Variants in TMTC1 observed in about 807,000 individuals in gnomAD.
TMTC1 encodes the protein transmembrane O-mannosyltransferase targeting cadherins 1, also known as protein O-mannosyl-transferase TMTC1.
Under a neutral mutation model 104.8 loss-of-function variants are expected in TMTC1, and 73 were observed. The observed-to-expected ratio is 0.70, with a 90% CI of 0.58 to 0.85. TMTC1 has a LOEUF of 0.85. Among genes scored for constraint, TMTC1 ranks in the 40% least tolerant of loss-of-function variants. TMTC1 has a pLI of 0.00. For missense variants in TMTC1, 1,035 were observed against 1,096.1 expected (o/e 0.94, Z 0.79); for synonymous variants, 434 against 428.7 (o/e 1.01, Z -0.15).
upstream of TMTC1, chr12:29,784,642 G>A (rs963176109): frequency 6.6e-6 from 1 of 152,264 alleles, no homozygotes; most frequent in Non-Finnish European, 1.5e-5. Flanking sequence ...CTTACAAAAA[G>A]TACCAGGTTC....
At chr12:29,694,625 C>T (rs1338956057) in intron 5 of TMTC1, among the ~76,000 whole-genome samples, 1 of 151,894 alleles carries the variant, frequency 6.6e-6, no homozygotes, top group East Asian at 1.9e-4. Flanking sequence ...TAACAAATGG[C>T]CACAGACTTG....
intron 5 of TMTC1, among the ~76,000 whole-genome samples, chr12:29,721,117 T>C (rs1040858862): frequency 1.4e-4 from 21 of 152,328 alleles, no homozygotes; most frequent in South Asian, 8.3e-4. Context: ...TATCACTGTC[T>C]TACACCTACT....
chr12:29,545,629 T>TCACACACACA lies in TMTC1; in HGVS notation c.1677-9322_1677-9313dup, dbSNP rs55958433. Among the ~76,000 whole-genome samples, 280 of 73,568 alleles carry TCACACACACA rather than the reference T, an allele frequency of 3.8e-3. 6 individuals carry two copies. The highest frequency in any genetic ancestry group is 0.013 in the African/African-American group (225 of 17,520). The allele number at this position is 73,568 out of a possible 152,430, so 48.3% of individuals were successfully genotyped here. A position where few individuals can be genotyped will look rare whatever the true frequency, so the allele number is the denominator to read the frequency against. ...GTCTGGGCAACAGAGCAAGACTCTG[T>TCACACACACA]CACACACACACACACACACACACAC... On this transcript the variant is annotated intron_variant, in intron 10 of 17. Transcript: ENST00000539277.
In TMTC1 at chr12:29,583,967, G is replaced by A. The variant is rs559634472; in HGVS notation, c.1251-393C>T. On this transcript the variant is annotated intron_variant, in intron 7 of 17. Coordinates refer to ENST00000539277, the MANE Select transcript of TMTC1 (RefSeq NM_001193451.2). ...CTATTGGCACTATGCGCCTAAATTC[G>A]GAGTTTATGCTGCAGCAGGTCACAC... is the stretch of plus-strand genomic sequence containing the variant. Among the ~76,000 whole-genome samples the A allele has an allele frequency of 2.0e-5, 3 of 152,204 alleles. No homozygotes were observed. In the East Asian group the frequency reaches 5.8e-4, roughly 29 times the overall value.
At chr12:29,772,519 G>C (rs114473375) in intron 1 of TMTC1, among the ~76,000 whole-genome samples, 1,560 of 152,252 alleles carry the variant, frequency 0.01, 36 homozygotes, top group African/African-American at 0.035. Context: ...GAAATGCAAA[G>C]TATTACAACA....
intron 7 of TMTC1, among the ~76,000 whole-genome samples, chr12:29,596,322 C>T (rs1470612924): frequency 2.6e-5 from 4 of 152,064 alleles, no homozygotes; most frequent in Admixed American, 2.0e-4. Flanking sequence ...CTTTACTTTT[C>T]GTTACCCAAA....
intron 5 of TMTC1, among the ~76,000 whole-genome samples, chr12:29,714,909 AAGG>A (rs1942035363): frequency 6.6e-6 from 1 of 152,206 alleles, no homozygotes; most frequent in African/African-American, 2.4e-5. Flanking sequence ...GCACTCTCAG[AAGG>A]AGTACAGTCC....
chr12:29,721,742 T>A (rs1161925584), intron 5 of TMTC1, among the ~76,000 whole-genome samples: 2 of 152,102 alleles, frequency 1.3e-5, no homozygotes, highest in African/African-American at 4.8e-5. Flanking sequence ...CCCCTTTACA[T>A]CCTGAAAAAC....
chr12:29,739,778 A>G (rs999882380), intron 5 of TMTC1, among the ~76,000 whole-genome samples: 2 of 151,756 alleles, frequency 1.3e-5, no homozygotes, highest in African/African-American at 4.8e-5. Context: ...GCATGCTCCC[A>G]GCTCATTGCA....
intron 8 of TMTC1, among the ~76,000 whole-genome samples, chr12:29,580,324 T>C (rs1339817063): frequency 6.6e-6 from 1 of 151,878 alleles, no homozygotes; most frequent in Non-Finnish European, 1.5e-5. Context: ...GTCTCAAAAA[T>C]AAATAAATGA....
chr12:29,598,521 A>G (rs910575619), intron 7 of TMTC1, among the ~76,000 whole-genome samples: 1 of 152,206 alleles, frequency 6.6e-6, no homozygotes, highest in Non-Finnish European at 1.5e-5. Flanking sequence ...TGAACACAGG[A>G]TATCTTTCCA....
At chr12:29,598,816 G>GT (rs570682553) in intron 7 of TMTC1, among the ~76,000 whole-genome samples, 70 of 152,226 alleles carry the variant, frequency 4.6e-4, no homozygotes, top group African/African-American at 1.3e-3. Flanking sequence ...TATTAGTTCT[G>GT]TTTTTCAGTG....
chr12:29,620,108 G>T (rs1947091713), intron 6 of TMTC1, among the ~76,000 whole-genome samples: 1 of 152,206 alleles, frequency 6.6e-6, no homozygotes, highest in Non-Finnish European at 1.5e-5. Context: ...ATGGAGACAG[G>T]ATCCCTCATT....
chr12:29,687,757 T>A (rs1223350669), intron 5 of TMTC1, among the ~76,000 whole-genome samples: 1 of 152,188 alleles, frequency 6.6e-6, no homozygotes, highest in African/African-American at 2.4e-5. Context: ...TGGTGAGGGA[T>A]CTCTTCTTGG....
chr12:29,651,132 G>A (rs536617406), intron 5 of TMTC1, among the ~76,000 whole-genome samples: 39 of 152,244 alleles, frequency 2.6e-4, no homozygotes, highest in Admixed American at 1.4e-3. Context: ...GGTCCCTTGA[G>A]GCTGAAACAC....
chr12:29,726,834 A>G (rs184222), intron 5 of TMTC1, among the ~76,000 whole-genome samples: 152,177 of 152,348 alleles, frequency 1, 76,003 homozygotes, highest in Middle Eastern at 1. Context: ...TACTTAGATT[A>G]AGAAATTAAA....
At chr12:29,576,502 CA>C (rs1177895859) in intron 8 of TMTC1, among the ~76,000 whole-genome samples, 9 of 152,098 alleles carry the variant, frequency 5.9e-5, no homozygotes. Context: ...ACCTGAGGGA[CA>C]CTATGCTAAG....
At chr12:29,709,722 A>G (rs1941846795) in intron 5 of TMTC1, among the ~76,000 whole-genome samples, 3 of 152,174 alleles carry the variant, frequency 2.0e-5, no homozygotes, top group Non-Finnish European at 2.9e-5. Context: ...ACTTGACAAC[A>G]CTTTTCTAGA....
chr12:29,712,313 A>C (rs187285932), intron 5 of TMTC1, among the ~76,000 whole-genome samples: 88 of 152,346 alleles, frequency 5.8e-4, no homozygotes, highest in Non-Finnish European at 7.1e-4. Flanking sequence ...GAAAACATCT[A>C]ACCACAACAT....
Sources: gnomAD v4.1 joint callset for allele counts (sites outside exome capture counted in the v4.1 genomes callset) on GRCh38, gnomAD v4.1.1 for gene constraint, MANE v1.5 for transcripts, NCBI Gene and HGNC (gene_info 2026-07-23, HGNC 2026-07-21) for gene names.